CUX2: variants seen among roughly 807,000 people sequenced by gnomAD.
CUX2 encodes homeobox protein cut-like 2.
In CUX2, 40 loss-of-function variants were observed where a neutral mutation model predicts 144.8. The observed-to-expected ratio is 0.28, with a 90% CI of 0.21 to 0.36. The LOEUF (loss-of-function observed/expected upper bound fraction) is 0.36, where lower values mean the gene tolerates loss of function less well. CUX2 is among the 10% of genes least tolerant of loss of function. The pLI is 1.00. For synonymous variants in CUX2, 827 were observed against 875.6 expected (o/e 0.94, Z 0.98); for missense variants, 1,615 against 1,994.0 (o/e 0.81, Z 3.62).
At chr12:111,080,321 T>G (rs1871811491) in intron 1 of CUX2, among the ~76,000 whole-genome samples, 1 of 152,194 alleles carries the variant, frequency 6.6e-6, no homozygotes, top group African/African-American at 2.4e-5. Context: ...GCACTTAACA[T>G]GATTGAACAT....
At chr12:111,086,620 T>C (rs1872239393) in intron 1 of CUX2, among the ~76,000 whole-genome samples, 1 of 152,222 alleles carries the variant, frequency 6.6e-6, no homozygotes, top group African/African-American at 2.4e-5. Context: ...ATTGACTCTG[T>C]CTCCGAGGGT....
At chr12:111,149,597 C>T (rs1876910259) in intron 1 of CUX2, among the ~76,000 whole-genome samples, 1 of 152,164 alleles carries the variant, frequency 6.6e-6, no homozygotes, top group South Asian at 2.1e-4. Flanking sequence ...TGGTTGAAAA[C>T]CCCTGCTTTA....
intron 3 of CUX2, among the ~76,000 whole-genome samples, chr12:111,242,680 G>T (rs1883086336): frequency 6.6e-6 from 1 of 152,136 alleles, no homozygotes; most frequent in African/African-American, 2.4e-5. Context: ...CAGGCGTGGT[G>T]GTGCATGCCT....
At chr12:111,177,899 C>T (rs757124298) in intron 1 of CUX2, among the ~76,000 whole-genome samples, 3 of 152,202 alleles carry the variant, frequency 2.0e-5, no homozygotes, top group Non-Finnish European at 4.4e-5. Context: ...ATAACTGTCT[C>T]AAAGCATTGT....
intron 1 of CUX2, among the ~76,000 whole-genome samples, chr12:111,105,960 G>T (rs1468703313): frequency 6.6e-6 from 1 of 151,520 alleles, no homozygotes; most frequent in East Asian, 1.9e-4. Context: ...GACCTCCTGG[G>T]CTCAAGTGAT....
chr12:111,069,520 CTGTGTGTGTGTGTGTG>C (rs150243402), intron 1 of CUX2, among the ~76,000 whole-genome samples: 1 of 139,692 alleles, frequency 7.2e-6, no homozygotes, highest in African/African-American at 2.7e-5. Context: ...AAGCCTTGCT[CTGTGTGTGTGTGTGTG>C]TGTGTGTGTG....
At chr12:111,221,117 G>C (rs908323228) in intron 3 of CUX2, among the ~76,000 whole-genome samples, 1 of 152,154 alleles carries the variant, frequency 6.6e-6, no homozygotes, top group Non-Finnish European at 1.5e-5. Context: ...ATATTGAATA[G>C]ATGCTGCTTT....
intron 2 of CUX2, among the ~76,000 whole-genome samples, chr12:111,214,739 A>G (rs2136225585): frequency 6.6e-6 from 1 of 151,006 alleles, no homozygotes; most frequent in East Asian, 1.9e-4. Flanking sequence ...TCGGCCTCTC[A>G]CCCCCTTTAC....
At chr12:111,284,264 T>A (rs1425450907) in intron 4 of CUX2, among the ~76,000 whole-genome samples, 1 of 152,158 alleles carries the variant, frequency 6.6e-6, no homozygotes, top group Non-Finnish European at 1.5e-5. Flanking sequence ...TAATGGGCAT[T>A]TGGACAGGGG....
At chr12:111,123,724 C>T (rs1050201372) in intron 1 of CUX2, among the ~76,000 whole-genome samples, 7 of 151,748 alleles carry the variant, frequency 4.6e-5, no homozygotes, top group Non-Finnish European at 8.8e-5. Context: ...TTGGTAGAGA[C>T]GGGGTTTCAC....
chr12:111,336,824 C>CTT (rs1359508879), intron 19 of CUX2, among the ~76,000 whole-genome samples: 1 of 151,844 alleles, frequency 6.6e-6, no homozygotes, highest in Non-Finnish European at 1.5e-5. Context: ...ATTTCCTCTC[C>CTT]TTTTTTTTCT....
intron 21 of CUX2, among the ~76,000 whole-genome samples, chr12:111,346,106 C>CAA (rs768840708): frequency 1.4e-5 from 1 of 69,850 alleles, no homozygotes. Context: ...GACTCCATCT[C>CAA]AAAAAAAAAA....
At chr12:111,046,908 C>T (rs890045969) in intron 1 of CUX2, among the ~76,000 whole-genome samples, 11 of 152,356 alleles carry the variant, frequency 7.2e-5, no homozygotes, top group Non-Finnish European at 1.3e-4. Context: ...CTGCCTGCCT[C>T]GGCCTCCCAC....
chr12:111,309,802 CCT>C (rs553088193), intron 14 of CUX2, among the ~76,000 whole-genome samples: 51 of 146,916 alleles, frequency 3.5e-4, no homozygotes, highest in African/African-American at 1.3e-3. Flanking sequence ...TCTCTCTGTC[CCT>C]CTCATGTGAT....
Position 111,307,922 on chromosome 12 carries a change from G to A in CUX2, c.1110-363G>A, listed in dbSNP as rs567295914. On this transcript the variant is annotated intron_variant, in intron 12 of 21. Transcript: ENST00000261726. This position sits in a 1 kb window ranked among gnomAD's most constrained non-coding sequence, Gnocchi z 4.1. The stretch of plus-strand genomic sequence containing the variant: ...CGCTTGAACCTGGGAGGCAGAGATC[G>A]TGCCACTGCACTCCAGCCTGGGTGA... 7.3e-4 allele frequency among the ~76,000 whole-genome samples: 111 copies of A among 152,304 alleles called. No homozygotes were observed. The highest frequency in any genetic ancestry group is 2.6e-3 in the African/African-American group (108 of 41,564).
chr12:111,338,815 C>T (rs994706123), intron 20 of CUX2, among the ~76,000 whole-genome samples: 2 of 151,870 alleles, frequency 1.3e-5, no homozygotes, highest in African/African-American at 4.8e-5. Context: ...GAGGATCGTT[C>T]AAGGCTGCAA....
In CUX2 at chr12:111,034,331, C is replaced by G. The variant is rs1366072030; in HGVS notation, c.63+91C>G. The G allele has an allele frequency of 4.1e-6, 3 of 723,174 alleles. No individual in the cohort carries two copies. The East Asian group carries it at 3.9e-4, about 93-fold the overall frequency. 44.8% of individuals were successfully genotyped at this position (723,174 alleles called of 1,614,324 possible). Reference sequence around the variant, plus strand: ...GGAGGTCCCCGGGCGGGCAGGCGGACGCCCTGGGGCGGCGGGCGGCGGCTG... The same window carrying G: ...GGAGGTCCCCGGGCGGGCAGGCGGAGGCCCTGGGGCGGCGGGCGGCGGCTG... On this transcript the variant is annotated intron_variant, in intron 1 of 21. Coordinates refer to ENST00000261726, the MANE Select transcript of CUX2 (RefSeq NM_015267.4). This position sits in a 1 kb window ranked among gnomAD's most constrained non-coding sequence, Gnocchi z 4.2.
rs1886932807 is a variant in CUX2 at position 111,312,041 on chromosome 12, G to A, written c.1901-59G>A. ...GGAGACAGCCCCCCTACCCCACCAG[G>A]CTCCGGAGACTGAGCCCAACATGCA... On this transcript the variant is annotated intron_variant, in intron 15 of 21. Transcript: ENST00000261726. The surrounding 1 kb of genome is among the most constrained non-coding windows in gnomAD (Gnocchi z 4.3). 6.7e-7 allele frequency: 1 copy of A among 1,495,740 alleles called. No homozygotes were observed. The highest frequency in any genetic ancestry group is 2.3e-5 in the East Asian group (1 of 42,684). 92.7% of individuals were successfully genotyped at this position (1,495,740 alleles called of 1,614,324 possible). A position where few individuals can be genotyped will look rare whatever the true frequency, so the allele number is the denominator to read the frequency against.
intron 1 of CUX2, among the ~76,000 whole-genome samples, chr12:111,189,768 C>T (rs560328303): frequency 2.0e-5 from 3 of 152,238 alleles, no homozygotes; most frequent in East Asian, 1.9e-4. Context: ...CTTAGGTTCT[C>T]GGGTGATGCC....
Sources: allele counts gnomAD v4.1 joint callset (sites outside exome capture counted in the v4.1 genomes callset), GRCh38; gene constraint gnomAD v4.1.1; non-coding constraint Gnocchi (gnomAD v3.1); transcripts MANE v1.5; gene names NCBI Gene and HGNC (gene_info 2026-07-23, HGNC 2026-07-21).